Variants in RMST observed in about 807,000 individuals in gnomAD.
The protein encoded by RMST is long intergenic non-protein coding RNA 54.
chr12:97,552,149 A>G (rs1592792402), intron 11 of RMST: 1 of 152,068 alleles, frequency 6.6e-6, no homozygotes, highest in East Asian at 1.9e-4. Flanking sequence ...CCTTTGCATC[A>G]TTTCTAGAAA....
chr12:97,490,397 A>G (rs1473806195), intron 5 of RMST, among the ~76,000 whole-genome samples: 1 of 152,172 alleles, frequency 6.6e-6, no homozygotes, highest in African/African-American at 2.4e-5. Flanking sequence ...TTTACTAACT[A>G]TGGGATCCAG....
At chr12:97,525,896 A>C (rs1411576646) in intron 10 of RMST, among the ~76,000 whole-genome samples, 1 of 152,112 alleles carries the variant, frequency 6.6e-6, no homozygotes, top group East Asian at 1.9e-4. Context: ...GCCTCCTGTC[A>C]GATCAGTGGT....
In RMST at chr12:97,479,282, G is replaced by A. The variant is rs1874938705; in HGVS notation, n.645-13179G>A. 2.6e-5 allele frequency among the ~76,000 whole-genome samples: 4 copies of A among 151,624 alleles called. No individual in the cohort carries two copies. The South Asian group carries it at 8.3e-4, about 32-fold the overall frequency. On this transcript the variant is annotated intron_variant and non_coding_transcript_variant, in intron 5 of 13. Coordinates refer to ENST00000640149, the Ensembl canonical transcript of RMST. The stretch of plus-strand genomic sequence containing the variant: ...AGCCTCCCAAGGAGCTAGGACTACA[G>A]GTGCACACACCACTGTACCTGCCTA...
chr12:97,523,804 G>A (rs1027885761), intron 10 of RMST, among the ~76,000 whole-genome samples: 4 of 151,990 alleles, frequency 2.6e-5, no homozygotes, highest in South Asian at 2.1e-4. Flanking sequence ...CTGGCCGGGC[G>A]CAGTGGCTCA....
intron 10 of RMST, among the ~76,000 whole-genome samples, chr12:97,499,687 A>G (rs548743183): frequency 1.8e-4 from 23 of 129,484 alleles, no homozygotes; most frequent in Non-Finnish European, 3.4e-4. Context: ...ACAGAGTCTC[A>G]CTCACTCTGT....
intron 10 of RMST, among the ~76,000 whole-genome samples, chr12:97,521,149 C>A (rs1210982014): frequency 6.6e-6 from 1 of 152,126 alleles, no homozygotes; most frequent in African/African-American, 2.4e-5. Context: ...CAGAAAGTAT[C>A]TGCTTTTATA....
intron 10 of RMST, among the ~76,000 whole-genome samples, chr12:97,512,238 G>A (rs944208324): frequency 5.9e-5 from 9 of 152,234 alleles, no homozygotes; most frequent in Admixed American, 3.3e-4. Flanking sequence ...TCATGGTCCC[G>A]CTGGCTTCAG....
At chr12:97,541,901 C>T (rs980546212) in intron 11 of RMST, among the ~76,000 whole-genome samples, 1 of 151,820 alleles carries the variant, frequency 6.6e-6, no homozygotes, top group African/African-American at 2.4e-5. Flanking sequence ...GAACATAAAA[C>T]GTGCAAGGCA....
intron 5 of RMST, among the ~76,000 whole-genome samples, chr12:97,467,135 A>G (rs1469615058): frequency 6.6e-6 from 1 of 152,054 alleles, no homozygotes; most frequent in Non-Finnish European, 1.5e-5. Context: ...AAATTGGACT[A>G]AGAAATAAAA....
chr12:97,559,957 T>C (rs1182965968), intron 11 of RMST, among the ~76,000 whole-genome samples: 2 of 152,224 alleles, frequency 1.3e-5, no homozygotes, highest in Non-Finnish European at 2.9e-5. Context: ...TAAAATTAAG[T>C]AAATCCTTTT....
chr12:97,475,999 A>G (rs748476674), intron 5 of RMST, among the ~76,000 whole-genome samples: 1 of 152,130 alleles, frequency 6.6e-6, no homozygotes, highest in South Asian at 2.1e-4. Context: ...ACTATATGCT[A>G]TGAGAGCTGC....
At chr12:97,555,009 G>A (rs1287197169) in intron 11 of RMST, among the ~76,000 whole-genome samples, 1 of 152,110 alleles carries the variant, frequency 6.6e-6, no homozygotes. Context: ...GCTTGTATTT[G>A]TCTCTACAGC....
At chr12:97,495,288 T>C (rs1049812401) in intron 9 of RMST, among the ~76,000 whole-genome samples, 1 of 152,096 alleles carries the variant, frequency 6.6e-6, no homozygotes, top group African/African-American at 2.4e-5. Flanking sequence ...CATATATACT[T>C]TGACACATTC....
At chr12:97,553,855 T>C (rs985761713) in intron 11 of RMST, among the ~76,000 whole-genome samples, 6 of 152,140 alleles carry the variant, frequency 3.9e-5, no homozygotes, top group African/African-American at 1.4e-4. Context: ...TCAAGTTTAC[T>C]TAAGTTGACT....
chr12:97,505,116 G>C (rs1019699811), intron 10 of RMST, among the ~76,000 whole-genome samples: 2 of 152,188 alleles, frequency 1.3e-5, no homozygotes, highest in African/African-American at 4.8e-5. Flanking sequence ...TTTGAAATAA[G>C]TGAAATTTAG....
At position 97,498,116 on chromosome 12, in the gene RMST, A is replaced by G. The variant is rs574851213; in HGVS notation, n.1340+2060A>G. Among the ~76,000 whole-genome samples, 47 of 152,282 alleles carry G rather than the reference A, an allele frequency of 3.1e-4. No individual in the cohort carries two copies. In the South Asian group the frequency reaches 9.5e-3, roughly 31 times the overall value. On this transcript the variant is annotated intron_variant and non_coding_transcript_variant, in intron 10 of 13. Transcript: ENST00000640149. ...AGGGGTGTTTCCCCAAGCAAGTTTT[A>G]AGCAAAACCATTTTTAATTGGAAGC...
intron 10 of RMST, among the ~76,000 whole-genome samples, chr12:97,517,511 T>C (rs1004786619): frequency 1.3e-5 from 2 of 151,936 alleles, no homozygotes; most frequent in African/African-American, 4.8e-5. Context: ...CATATATATA[T>C]ACACATAGAA....
At position 97,512,167 on chromosome 12, in the gene RMST, G is replaced by A. The variant is rs189125332; in HGVS notation, n.1340+16111G>A. On this transcript the variant is annotated intron_variant and non_coding_transcript_variant, in intron 10 of 13. Transcript: ENST00000640149. Reference sequence around the variant, plus strand: ...TCGCTGGCTCAGGAGTGAAGCTGCAGACTTTCGCAGCGAGTGTTACAGCTC... The same window carrying A: ...TCGCTGGCTCAGGAGTGAAGCTGCAAACTTTCGCAGCGAGTGTTACAGCTC... Among the ~76,000 whole-genome samples the A allele has an allele frequency of 2.0e-5, 3 of 152,248 alleles. No individual in the cohort carries two copies. The East Asian group carries it at 5.8e-4, about 29-fold the overall frequency.
rs569645003 is a variant in RMST, at chr12:97,539,502, C to T, written n.1545+8643C>T. 1.9e-3 allele frequency among the ~76,000 whole-genome samples: 289 copies of T among 151,660 alleles called. 1 individual carries two copies. The highest frequency in any genetic ancestry group is 6.8e-3 in the Middle Eastern group (2 of 294). On this transcript the variant is annotated intron_variant and non_coding_transcript_variant, in intron 11 of 13. Coordinates refer to ENST00000640149, the Ensembl canonical transcript of RMST. ...TTCACTAAGGCAACTGCTAAATAAA[C>T]CCAAGTCTGCTTTTACAGCACAGAC...
Sources: gnomAD v4.1 joint callset for allele counts (sites outside exome capture counted in the v4.1 genomes callset) on GRCh38, gnomAD v4.1.1 for gene constraint, MANE v1.5 for transcripts, NCBI Gene and HGNC (gene_info 2026-07-23, HGNC 2026-07-21) for gene names.